The following ABCA1 variants were observed in gnomAD, a reference collection of about 807,000 sequenced individuals.
The protein encoded by ABCA1 is phospholipid-transporting ATPase ABCA1.
ABCA1 carries 133 observed loss-of-function variants against 262.5 expected under a neutral mutation model. The ratio of observed to expected loss-of-function variants is 0.51; its 90% confidence interval spans 0.44 to 0.59. The LOEUF is 0.59. ABCA1 is among the 20% of genes least tolerant of loss of function. ABCA1 has a pLI of 0.00. For synonymous variants in ABCA1, 1,022 were observed against 1,043.5 expected (o/e 0.98, Z 0.40); for missense variants, 2,452 against 2,777.5 (o/e 0.88, Z 2.63).
chr9:104,818,900 C>T lies in ABCA1; in HGVS notation c.3242-17G>A, dbSNP rs1832019487. On this transcript the variant is annotated splice_polypyrimidine_tract_variant and intron_variant, in intron 22 of 49. Coordinates refer to ENST00000374736, the MANE Select transcript of ABCA1 (RefSeq NM_005502.4). ...TGGTGCGGCCTGCCAGGCACAAACA[C>T]AAGGATGTGGGACAGGTGAGGCCTC... The T allele has an allele frequency of 1.2e-6, 2 of 1,603,670 alleles. No homozygotes were observed. The highest frequency in any genetic ancestry group is 2.2e-5 in the East Asian group (1 of 44,666).
chr9:104,842,725 G>A (rs1343499308), intron 8 of ABCA1, among the ~76,000 whole-genome samples: 1 of 152,134 alleles, frequency 6.6e-6, no homozygotes, highest in African/African-American at 2.4e-5. Flanking sequence ...CCAGCACAAT[G>A]TCCTTTGTCC....
In ABCA1 at chr9:104,809,472, G is replaced by A; in HGVS notation, c.4268C>T (p.Pro1423Leu). ...TGGCTAAAGTGGCACTCACGGGATT[G>A]GGTTTCCTTCCATACAGCGGGTCCC... is the stretch of plus-strand genomic sequence containing the variant. ...GFGTRCMEGN[P>L]IPDTPCQAGE... The change falls in exon 30 of 50, where the codon CCA (proline) becomes CTA (leucine). Residue 1423 changes from proline to leucine, a missense_variant. Around this residue, in one of 4 missense-constraint regions of ABCA1, gnomAD observed 665 missense variants for 727.3 expected, o/e 0.91. Transcript: ENST00000374736. 6.2e-7 allele frequency: 1 copy of A among 1,614,216 alleles called. No individual in the cohort carries two copies. The highest frequency in any genetic ancestry group is 8.5e-7 in the Non-Finnish European group (1 of 1,180,016).
chr9:104,915,802 T>C (rs536147431), intron 1 of ABCA1, among the ~76,000 whole-genome samples: 2 of 152,060 alleles, frequency 1.3e-5, no homozygotes, highest in Middle Eastern at 3.4e-3. Context: ...CACAATCCAA[T>C]CCCCCAAGCA....
chr9:104,813,246 G>A (rs570086378), intron 27 of ABCA1, among the ~76,000 whole-genome samples: 3 of 152,316 alleles, frequency 2.0e-5, no homozygotes, highest in Non-Finnish European at 2.9e-5. Context: ...AGGGGTGAGA[G>A]AACTGGAAAG....
chr9:104,917,065 A>G (rs1452988802), intron 1 of ABCA1, among the ~76,000 whole-genome samples: 2 of 152,184 alleles, frequency 1.3e-5, no homozygotes, highest in Non-Finnish European at 1.5e-5. Flanking sequence ...TTAAAATGCT[A>G]TGAGAGAACA....
chr9:104,879,101 A>G (rs1838402993), intron 5 of ABCA1, among the ~76,000 whole-genome samples: 1 of 152,006 alleles, frequency 6.6e-6, no homozygotes, highest in Non-Finnish European at 1.5e-5. Context: ...AAAAGAAAAG[A>G]AAAAGGAAAT....
chr9:104,790,119 G>A (rs1053288014), intron 44 of ABCA1, among the ~76,000 whole-genome samples: 4 of 150,916 alleles, frequency 2.7e-5, no homozygotes, highest in African/African-American at 9.8e-5. Flanking sequence ...GCCCAGAGAA[G>A]CCCCACATAT....
intron 24 of ABCA1, among the ~76,000 whole-genome samples, chr9:104,816,923 C>A (rs1239728147): frequency 1.3e-5 from 2 of 152,286 alleles, no homozygotes; most frequent in Admixed American, 6.5e-5. Flanking sequence ...ACTGGTGACA[C>A]TGGCCTCCTA....
At chr9:104,860,908 C>T (rs906734808) in intron 6 of ABCA1, among the ~76,000 whole-genome samples, 1 of 152,008 alleles carries the variant, frequency 6.6e-6, no homozygotes, top group South Asian at 2.1e-4. Flanking sequence ...AGGAGCATGC[C>T]ACCACGCTGA....
chr9:104,880,455 GCTCTAAGGGCACCA>G (rs999857892), intron 5 of ABCA1, among the ~76,000 whole-genome samples: 34 of 151,312 alleles, frequency 2.2e-4, no homozygotes, highest in African/African-American at 8.0e-4. Flanking sequence ...AGCTCAGTGA[GCTCTAAGGGCACCA>G]CTGCACTCTA....
chr9:104,825,746 T>A lies in ABCA1; in HGVS notation c.2479A>T (p.Met827Leu), dbSNP rs1396113456. The A allele has an allele frequency of 6.2e-7, 1 of 1,614,090 alleles. No homozygotes were observed. Among genetic ancestry groups the A allele is most frequent in the African/African-American group, 1.3e-5 (1 of 74,934 alleles). ...DGFNLTTSVS[M>L]MLFDTFLYGV... ...TAGAGGAAGGTGTCAAACAGCATCA[T>A]GGAGACCGAAGTGGTGAGATTGAAG... The change falls in exon 17 of 50, where the codon ATG becomes TTG. Residue 827 changes from methionine (M) to leucine (L), a missense_variant. This residue lies in a region of ABCA1 where 1,032 missense variants were observed against 1,089.7 expected (regional missense o/e 0.95). Transcript: ENST00000374736.
intron 1 of ABCA1, among the ~76,000 whole-genome samples, chr9:104,905,573 A>G (rs917157920): frequency 2.0e-5 from 3 of 152,232 alleles, no homozygotes; most frequent in African/African-American, 7.2e-5. Flanking sequence ...CTTACTCCAA[A>G]AAGAGGAAGA....
At chr9:104,837,360 C>T in intron 10 of ABCA1, 68 bp downstream of exon 10, 1 of 1,603,120 alleles carries the variant, frequency 6.2e-7, no homozygotes, top group South Asian at 1.1e-5. Flanking sequence ...TCTGAAGCTA[C>T]CTTGAGTTTT....
intron 6 of ABCA1, among the ~76,000 whole-genome samples, chr9:104,861,150 T>A (rs1469518893): frequency 6.6e-6 from 1 of 152,178 alleles, no homozygotes; most frequent in Non-Finnish European, 1.5e-5. Context: ...TGGAGAGATT[T>A]AAAGCCTTAT....
At chr9:104,893,379 T>C (rs1016736474) in intron 2 of ABCA1, among the ~76,000 whole-genome samples, 1 of 118,678 alleles carries the variant, frequency 8.4e-6, no homozygotes, top group Non-Finnish European at 1.6e-5. Flanking sequence ...CCAAGATCGC[T>C]CCATTGCACT....
At chr9:104,862,640 G>A (rs28523599) in intron 5 of ABCA1, among the ~76,000 whole-genome samples, 4 of 1,798 alleles carry the variant, frequency 2.2e-3, no homozygotes, top group Non-Finnish European at 5.5e-3. Flanking sequence ...CTGCCGGGCC[G>A]GGCCGGGCCG....
intron 13 of ABCA1, 50 bp from the exon 14 acceptor site, chr9:104,831,151 A>AT: frequency 8.5e-6 from 4 of 467,868 alleles, no homozygotes; most frequent in East Asian, 5.0e-5. Flanking sequence ...CCATACAATA[A>AT]AAAAAAAAAA....
intron 2 of ABCA1, among the ~76,000 whole-genome samples, chr9:104,889,898 ATCT>A (rs1479231953): frequency 1.3e-5 from 2 of 152,224 alleles, no homozygotes; most frequent in African/African-American, 4.8e-5. Context: ...TCTGGTCATC[ATCT>A]TCTCCGATGA....
chr9:104,812,102 T>C (rs1257323767), intron 28 of ABCA1, among the ~76,000 whole-genome samples: 1 of 152,240 alleles, frequency 6.6e-6, no homozygotes, highest in African/African-American at 2.4e-5. Flanking sequence ...TTCTATCAGT[T>C]TGAGTTAAAC....
Sources: allele counts gnomAD v4.1 joint callset (sites outside exome capture counted in the v4.1 genomes callset), GRCh38; gene constraint gnomAD v4.1.1; regional missense constraint gnomAD v4.1.1; transcripts MANE v1.5; gene names NCBI Gene and HGNC (gene_info 2026-07-23, HGNC 2026-07-21).